The following DCPS variants were observed in gnomAD, a reference collection of about 807,000 sequenced individuals.
DCPS encodes decapping enzyme, scavenger.
Under a neutral mutation model 34.7 loss-of-function variants are expected in DCPS, and 27 were observed. The ratio of observed to expected loss-of-function variants is 0.78; its 90% CI spans 0.57 to 1.07. DCPS has a LOEUF of 1.07. Ranked by LOEUF, DCPS falls within the 50% of genes least tolerant of loss-of-function variation. DCPS has a pLI of 0.00. For missense variants in DCPS, 464 were observed against 436.9 expected, an observed-to-expected ratio of 1.06 and a Z score of -0.55; for synonymous variants, 185 against 185.7, an observed-to-expected ratio of 1.00 and a Z score of 0.03.
Position 126,331,781 on chromosome 11 carries a change from G to A in DCPS, c.522+231G>A, listed in dbSNP as rs1951795722. ...ATCTCAGGATCTATGTGCTCTGTGA[G>A]ATAATGAGGGCTGCAGAGAGAAATA... is the stretch of plus-strand genomic sequence containing the variant. On this transcript the variant is annotated intron_variant, in intron 3 of 5. Coordinates refer to ENST00000263579, the MANE Select transcript of DCPS (RefSeq NM_014026.6). This position sits in a 1 kb window ranked among gnomAD's most constrained non-coding sequence, Gnocchi z 7.2. Among the ~76,000 whole-genome samples, 2 of 152,212 alleles carry A rather than the reference G, an allele frequency of 1.3e-5. No individual in the cohort carries two copies. Among genetic ancestry groups the A allele is most frequent in the South Asian group, 4.1e-4 (2 of 4,834 alleles).
intron 2 of DCPS, among the ~76,000 whole-genome samples, chr11:126,330,099 C>T (rs925103212): frequency 1.3e-5 from 2 of 152,108 alleles, no homozygotes; most frequent in African/African-American, 4.8e-5. Flanking sequence ...TGGTTTTGGA[C>T]CAGGAAGCTA....
rs1324633083 is a variant in DCPS at position 126,327,873 on chromosome 11, T to C, written c.377-3532T>C. On this transcript the variant is annotated intron_variant, in intron 2 of 5. Coordinates refer to ENST00000263579, the MANE Select transcript of DCPS (RefSeq NM_014026.6). This position sits in a 1 kb window ranked among gnomAD's most constrained non-coding sequence, Gnocchi z 4.1. ...TTTTCTTCCGGAAGCTGCATAGTAGTTGGGGAGTCAGACAGTCCATCCACC... is the reference window on the plus strand; with the variant it reads ...TTTTCTTCCGGAAGCTGCATAGTAGCTGGGGAGTCAGACAGTCCATCCACC... 3.3e-5 allele frequency among the ~76,000 whole-genome samples: 5 copies of C among 152,212 alleles called. No individual in the cohort carries two copies. The East Asian group carries it at 9.6e-4, about 29-fold the overall frequency.
intron 4 of DCPS, among the ~76,000 whole-genome samples, chr11:126,340,138 T>C (rs1276422899): frequency 6.6e-6 from 1 of 152,188 alleles, no homozygotes; most frequent in African/African-American, 2.4e-5. Flanking sequence ...CAGGCTCTGC[T>C]TCAGCTGCCA....
At chr11:126,340,539 G>A (rs982102447) in intron 4 of DCPS, among the ~76,000 whole-genome samples, 2 of 152,154 alleles carry the variant, frequency 1.3e-5, no homozygotes, top group African/African-American at 4.8e-5. Flanking sequence ...TCAAATCTTT[G>A]ACTTGTGACA....
rs1369984472 is a variant in DCPS, at chr11:126,347,442, T to TC, written c.*1831dup. Among the ~76,000 whole-genome samples the TC allele has an allele frequency of 7.2e-5, 11 of 152,084 alleles. No homozygotes were observed. The highest frequency in any genetic ancestry group is 6.5e-4 in the Admixed American group (10 of 15,274). On this transcript the variant is annotated 3_prime_UTR_variant, in exon 6 of 6. Transcript: ENST00000263579. The surrounding 1 kb of genome is among the most constrained non-coding windows in gnomAD (Gnocchi z 4.2). ...TTTCACCATGTTGGCCAGGCTGGTC[T>TC]CCAACTCCTGGCCTCAGGTGATCCA...
At chr11:126,308,915 A>G (rs1251637374) in intron 2 of DCPS, among the ~76,000 whole-genome samples, 16 of 151,876 alleles carry the variant, frequency 1.1e-4, no homozygotes, top group Non-Finnish European at 2.4e-4. Flanking sequence ...GCAGTGGGTT[A>G]TTGGCCCACC....
At position 126,331,902 on chromosome 11, in the gene DCPS, G is replaced by A. The variant is rs1258469765; in HGVS notation, c.522+352G>A. ...TTTGGGGGTGGGGGAACTGATGCTG[G>A]TCTTGGTCCCACCTGATGTGCTTGG... is the stretch of plus-strand genomic sequence containing the variant. On this transcript the variant is annotated intron_variant, in intron 3 of 5. Transcript: ENST00000263579. This position sits in a 1 kb window ranked among gnomAD's most constrained non-coding sequence, Gnocchi z 7.2. Among the ~76,000 whole-genome samples the A allele has an allele frequency of 6.6e-6, 1 of 152,168 alleles. No homozygotes were observed.
intron 2 of DCPS, among the ~76,000 whole-genome samples, chr11:126,321,380 A>ATTTT (rs1951705661): frequency 1.3e-5 from 2 of 152,050 alleles, no homozygotes; most frequent in Non-Finnish European, 2.9e-5. Flanking sequence ...CACCTTGAGC[A>ATTTT]TTTGCAGTGT....
At position 126,348,890 on chromosome 11, in the gene DCPS, G is replaced by A. The variant is rs537019861; in HGVS notation, c.*3277G>A. ...GACCCACATTCTCCTTCCTTTTTAC[G>A]AAGAAATGGGCTCAGGATGTCTTGT... On this transcript the variant is annotated 3_prime_UTR_variant, in exon 6 of 6. Transcript: ENST00000263579. This position sits in a 1 kb window ranked among gnomAD's most constrained non-coding sequence, Gnocchi z 5.3. Among the ~76,000 whole-genome samples the A allele has an allele frequency of 2.6e-5, 4 of 152,202 alleles. No homozygotes were observed. The East Asian group carries it at 5.8e-4, about 22-fold the overall frequency.
In DCPS at chr11:126,337,997, T is replaced by C. The variant is rs1363873499; in HGVS notation, c.523-289T>C. On this transcript the variant is annotated intron_variant, in intron 3 of 5. Coordinates refer to ENST00000263579, the MANE Select transcript of DCPS (RefSeq NM_014026.6). This position sits in a 1 kb window ranked among gnomAD's most constrained non-coding sequence, Gnocchi z 5.3. ...GGTTTGGAGGCCTCCGCAGAGCATG[T>C]GCACTATGCTGACCAGGAAGAGCCT... The C allele has an allele frequency of 2.4e-6, 1 of 424,710 alleles. No individual in the cohort carries two copies. The highest frequency in any genetic ancestry group is 4.6e-5 in the East Asian group (1 of 21,610). 26.3% of individuals were successfully genotyped at this position (424,710 alleles called of 1,614,324 possible).
intron 1 of DCPS, among the ~76,000 whole-genome samples, chr11:126,305,222 A>G (rs542128606): frequency 7.9e-5 from 12 of 151,702 alleles, no homozygotes; most frequent in African/African-American, 1.5e-4. Context: ...AAGCTATTCT[A>G]CCTGCCTCAG....
rs1023358282 is a variant in DCPS at position 126,331,202 on chromosome 11, TC to T, written c.377-201del. Among the ~76,000 whole-genome samples the T allele has an allele frequency of 6.6e-6, 1 of 152,128 alleles. No individual in the cohort carries two copies. The highest frequency in any genetic ancestry group is 1.5e-5 in the Non-Finnish European group (1 of 68,020). On this transcript the variant is annotated intron_variant, in intron 2 of 5. Coordinates refer to ENST00000263579, the MANE Select transcript of DCPS (RefSeq NM_014026.6). The surrounding 1 kb of genome is among the most constrained non-coding windows in gnomAD (Gnocchi z 7.2). Reference sequence around the variant, plus strand: ...ACCCACAGGTAAGAACCTTGTGTTTTCCAGATTCTGAGTGTGGCTCAGCTCG... The same window carrying T: ...ACCCACAGGTAAGAACCTTGTGTTTTCAGATTCTGAGTGTGGCTCAGCTCG...
chr11:126,343,556 A>AT, intron 5 of DCPS, 139 bp downstream of exon 5: 1 of 743,438 alleles, frequency 1.3e-6, no homozygotes, highest in Non-Finnish European at 2.3e-6. Flanking sequence ...TGGGGACCCC[A>AT]TTAGGCTCTT....
intron 5 of DCPS, 63 bp downstream of exon 5, chr11:126,343,480 C>T: frequency 1.5e-6 from 2 of 1,357,620 alleles, no homozygotes; most frequent in Non-Finnish European, 2.1e-6. Context: ...CCAGTGTGTT[C>T]CTGGGCCCCT....
intron 2 of DCPS, among the ~76,000 whole-genome samples, chr11:126,317,975 T>C (rs1362801990): frequency 1.3e-5 from 2 of 152,156 alleles, no homozygotes; most frequent in Non-Finnish European, 2.9e-5. Flanking sequence ...ACCCCAGGGC[T>C]GCATTTGGAG....
In DCPS at chr11:126,346,734, G is replaced by T. The variant is rs1051490686; in HGVS notation, c.*1121G>T. 2.0e-5 allele frequency among the ~76,000 whole-genome samples: 3 copies of T among 152,168 alleles called. No homozygotes were observed. The highest frequency in any genetic ancestry group is 2.0e-4 in the Admixed American group (3 of 15,272). On this transcript the variant is annotated 3_prime_UTR_variant, in exon 6 of 6. Transcript: ENST00000263579. The surrounding 1 kb of genome is among the most constrained non-coding windows in gnomAD (Gnocchi z 4.1). ...AGGGGGGAAGCTTGAGGCACAGTGG[G>T]TGGTCCTTACTCTCCATCCCCTGCC... is the stretch of plus-strand genomic sequence containing the variant.
At chr11:126,306,891 G>C (rs1297319385) in intron 2 of DCPS, 147 bp downstream of exon 2, 6 of 1,008,430 alleles carry the variant, frequency 5.9e-6, no homozygotes, top group Non-Finnish European at 8.2e-6. Flanking sequence ...TTGGCCATCG[G>C]TGAAGACATT....
intron 2 of DCPS, among the ~76,000 whole-genome samples, chr11:126,307,204 T>C (rs1951577114): frequency 6.6e-6 from 1 of 151,712 alleles, no homozygotes; most frequent in Non-Finnish European, 1.5e-5. Flanking sequence ...ATGGTGGCGT[T>C]CACCTGTAAT....
rs200771827 is a variant in DCPS at position 126,332,765 on chromosome 11, TTTG to T, written c.522+1233_522+1235del. 6.5e-3 allele frequency among the ~76,000 whole-genome samples: 993 copies of T among 152,170 alleles called. 12 individuals are homozygous for T. The highest frequency in any genetic ancestry group is 0.022 in the African/African-American group (917 of 41,512). On this transcript the variant is annotated intron_variant, in intron 3 of 5. Coordinates refer to ENST00000263579, the MANE Select transcript of DCPS (RefSeq NM_014026.6). The surrounding 1 kb of genome is among the most constrained non-coding windows in gnomAD (Gnocchi z 5.4). ...GGTGCATCTGGCTCAAGCTGACTTG[TTTG>T]TTGTTGTTGTTGTTGTTTGTTTGTT... is the stretch of plus-strand genomic sequence containing the variant.
Sources: allele counts gnomAD v4.1 joint callset (sites outside exome capture counted in the v4.1 genomes callset), GRCh38; gene constraint gnomAD v4.1.1; non-coding constraint Gnocchi (gnomAD v3.1); transcripts MANE v1.5; gene names NCBI Gene and HGNC (gene_info 2026-07-23, HGNC 2026-07-21).